PRRC2C: variants seen among roughly 807,000 people sequenced by gnomAD.
PRRC2C encodes proline rich coiled-coil 2C, also known as protein PRRC2C.
In PRRC2C, 72 loss-of-function variants were observed where a neutral mutation model predicts 317.2. The observed-to-expected ratio is 0.23, with a 90% confidence interval of 0.19 to 0.28. The LOEUF (loss-of-function observed/expected upper bound fraction) is 0.28. Ranked by LOEUF, PRRC2C falls within the 10% of genes least tolerant of loss-of-function variation. The probability of loss-of-function intolerance (pLI) is 1.00; values close to 1 mark genes in which losing one functional copy is unlikely to be tolerated. For synonymous variants in PRRC2C, 1,296 were observed against 1,205.9 expected (o/e 1.07, Z -1.55); for missense variants, 3,074 against 3,459.7 (o/e 0.89, Z 2.80).
chr1:171,529,227 T>A (rs11589384), intron 11 of PRRC2C, among the ~76,000 whole-genome samples: 3 of 151,968 alleles, frequency 2.0e-5, no homozygotes, highest in African/African-American at 4.8e-5. Flanking sequence ...ATTTTAAAAA[T>A]CTGTATCCTT....
Position 171,540,227 on chromosome 1 carries a change from C to T in PRRC2C, c.2761C>T (p.Pro921Ser), listed in dbSNP as rs746141943. 1.9e-6 allele frequency: 3 copies of T among 1,613,758 alleles called. No homozygotes were observed. The highest frequency in any genetic ancestry group is 2.2e-5 in the East Asian group (1 of 44,880). ...EERISAVESQ[P>S]SRKRSVSHGS... ...GCGGATTTCAGCTGTAGAAAGTCAG[C>T]CTTCCCGGAAAAGAAGTGTTTCCCA... is the stretch of plus-strand genomic sequence containing the variant. The change falls in exon 16 of 35, where the codon CCT becomes TCT. Residue 921 changes from proline to serine, a missense_variant. Physicochemically the swap from Pro to Ser is moderately conservative, Grantham distance 74 (BLOSUM62 -1). Around this residue, in one of 11 missense-constraint regions of PRRC2C, gnomAD observed 1,320 missense variants for 1,395.7 expected, o/e 0.95. Coordinates refer to ENST00000647382, the MANE Select transcript of PRRC2C (RefSeq NM_001387844.1).
At chr1:171,566,117 A>G (rs1047915312) in intron 20 of PRRC2C, 116 bp from the exon 21 acceptor site, 2 of 759,196 alleles carry the variant, frequency 2.6e-6, no homozygotes, top group African/African-American at 3.5e-5. Flanking sequence ...TGTCGGTCTC[A>G]GTTAATATGT....
In PRRC2C at chr1:171,541,566, T is replaced by C. The variant is rs926559971; in HGVS notation, c.4100T>C (p.Leu1367Ser). 1.2e-6 allele frequency: 2 copies of C among 1,613,762 alleles called. No homozygotes were observed. The highest frequency in any genetic ancestry group is 1.7e-6 in the Non-Finnish European group (2 of 1,179,832). ...PGGRPSRPST[L>S]RRPAYRDNQW... ...GGCCGTCCATCACGCCCTTCCACTT[T>C]ACGAAGACCAGCTTATCGGGACAAT... Residue 1367 changes from leucine to serine, a missense_variant, in exon 16 of 35, where the codon TTA becomes TCA. Leu to Ser is a moderately radical substitution (Grantham distance 145, BLOSUM62 -2). Transcript: ENST00000647382. The surrounding 1 kb of genome is among the most constrained non-coding windows in gnomAD (Gnocchi z 4.1).
chr1:171,518,861 A>G (rs970521498), intron 6 of PRRC2C, among the ~76,000 whole-genome samples: 2 of 148,760 alleles, frequency 1.3e-5, no homozygotes, highest in African/African-American at 5.0e-5. Context: ...TAACAGTGCA[A>G]TGAATCTGCC....
chr1:171,500,802 TC>T (rs1487359222), intron 1 of PRRC2C, among the ~76,000 whole-genome samples: 14 of 152,294 alleles, frequency 9.2e-5, no homozygotes, highest in African/African-American at 3.4e-4. Context: ...CTCCTAAACT[TC>T]TTCTTTCATT....
chr1:171,557,730 C>G lies in PRRC2C; in HGVS notation c.5618C>G (p.Thr1873Ser). ...ATTCTTGCTTCAGCCCTAGCATCAA[C>G]TTCAGCTCCAACGCCAGCCCCAGCA... ...IPILASALAS[T>S]SAPTPAPAAS... Residue 1873 changes from threonine (T) to serine (S), a missense_variant, in exon 19 of 35, where the codon ACT (threonine) becomes AGT (serine). By Grantham distance (58) the Thr-to-Ser change is moderately conservative. Transcript: ENST00000647382. 6.4e-7 allele frequency: 1 copy of G among 1,551,610 alleles called. No homozygotes were observed. Among genetic ancestry groups the G allele is most frequent in the Middle Eastern group, 1.7e-4 (1 of 5,992 alleles).
intron 24 of PRRC2C, among the ~76,000 whole-genome samples, chr1:171,574,028 T>C (rs1457427379): frequency 1.3e-5 from 2 of 152,052 alleles, no homozygotes; most frequent in African/African-American, 4.8e-5. Flanking sequence ...AATTGATACT[T>C]TAAGGACTCA....
At position 171,532,439 on chromosome 1, in the gene PRRC2C, C is replaced by T. The variant is rs1676053206; in HGVS notation, c.1351C>T (p.Arg451Ter). 1 of 1,613,812 alleles carries T rather than the reference C, an allele frequency of 6.2e-7. No individual in the cohort carries two copies. Among genetic ancestry groups the T allele is most frequent in the South Asian group, 1.1e-5 (1 of 91,012 alleles). Reference sequence around the variant, plus strand: ...TGAAGATGAAATATGGAAGCAAAGACGAAGACAACAATCAGAAATTTCTGC... The same window carrying T: ...TGAAGATGAAATATGGAAGCAAAGATGAAGACAACAATCAGAAATTTCTGC... ...ADEDEIWKQR[R>*]RQQSEISAAV... is the part of the protein sequence containing the mutation. The change falls in exon 12 of 35, where the codon CGA (arginine) becomes TGA (stop). Residue 451 changes from arginine to a stop codon, truncating the protein, a stop_gained. Transcript: ENST00000647382. LOFTEE classifies it high-confidence loss of function.
chr1:171,489,758 C>T (rs1476390402), intron 1 of PRRC2C, among the ~76,000 whole-genome samples: 1 of 152,122 alleles, frequency 6.6e-6, no homozygotes, highest in Non-Finnish European at 1.5e-5. Flanking sequence ...ATTATTGATC[C>T]AGAGCCTGAG....
Position 171,588,401 on chromosome 1 carries a change from A to G in PRRC2C, c.8095A>G (p.Ser2699Gly). 1 of 1,613,826 alleles carries G rather than the reference A, an allele frequency of 6.2e-7. No homozygotes were observed. The highest frequency in any genetic ancestry group is 8.5e-7 in the Non-Finnish European group (1 of 1,179,760). The part of the protein sequence containing the change: ...PFRATSTSPN[S>G]QSSKMNSIVY... ...AAGGGCTACTTCTACAAGTCCGAAC[A>G]GCCAGTCCAGCAAAATGAACAGCAT... Residue 2699 changes from serine (S) to glycine (G), a missense_variant, in exon 33 of 35, where the codon AGC becomes GGC. Transcript: ENST00000647382.
intron 12 of PRRC2C, among the ~76,000 whole-genome samples, chr1:171,534,589 C>T (rs1676476252): frequency 6.6e-6 from 1 of 151,680 alleles, no homozygotes; most frequent in Admixed American, 6.6e-5. Context: ...GCTCTTTTTC[C>T]TCCAGTATAT....
intron 24 of PRRC2C, among the ~76,000 whole-genome samples, chr1:171,571,631 G>T (rs1441811035): frequency 6.6e-6 from 1 of 152,084 alleles, no homozygotes; most frequent in East Asian, 1.9e-4. Context: ...TTAAAGTGAG[G>T]CCTATTATGC....
In PRRC2C at chr1:171,540,112, A is replaced by G. The variant is rs375603763; in HGVS notation, c.2646A>G (p.Glu882=). 23 of 1,613,896 alleles carry G rather than the reference A, an allele frequency of 1.4e-5. No individual in the cohort carries two copies. The highest frequency in any genetic ancestry group is 4.0e-5 in the African/African-American group (3 of 74,936). The change falls in exon 16 of 35, where the codon GAA becomes GAG. Residue 882 remains glutamate, a synonymous_variant. Transcript: ENST00000647382. The stretch of plus-strand genomic sequence containing the variant: ...AAAAGTTTTTAAGCAGATCTGTGGA[A>G]GATGTTAGACCTCACCATACTGATG... ...QVQKFLSRSV[E]DVRPHHTDAN...
intron 15 of PRRC2C, among the ~76,000 whole-genome samples, chr1:171,538,122 G>A (rs746778447): frequency 6.6e-6 from 1 of 152,036 alleles, no homozygotes; most frequent in Non-Finnish European, 1.5e-5. Context: ...GGATGGTCTC[G>A]ATCTCCTGAC....
intron 4 of PRRC2C, 125 bp downstream of exon 4, chr1:171,514,770 T>C: frequency 1.2e-6 from 1 of 821,606 alleles, no homozygotes; most frequent in Non-Finnish European, 1.9e-6. Flanking sequence ...TACTCAAGGC[T>C]CTTAAAAAGG....
intron 7 of PRRC2C, among the ~76,000 whole-genome samples, 193 bp from the exon 8 acceptor site, chr1:171,523,024 GTTAC>G (rs1673896906): frequency 1.3e-5 from 2 of 151,834 alleles, no homozygotes; most frequent in South Asian, 4.1e-4. Flanking sequence ...TTTGTCAGCT[GTTAC>G]TTAAGAGTTA....
intron 6 of PRRC2C, among the ~76,000 whole-genome samples, chr1:171,518,695 GT>G (rs1213035199): frequency 6.9e-6 from 1 of 144,350 alleles, no homozygotes; most frequent in Non-Finnish European, 1.5e-5. Flanking sequence ...TAGAGATGGG[GT>G]TTTGCCATGT....
At chr1:171,588,770 T>A (rs1478161763) in intron 33 of PRRC2C, among the ~76,000 whole-genome samples, 1 of 152,190 alleles carries the variant, frequency 6.6e-6, no homozygotes, top group African/African-American at 2.4e-5. Context: ...TCCTTTTAAC[T>A]TTTTTTAAGG....
intron 1 of PRRC2C, among the ~76,000 whole-genome samples, chr1:171,491,121 TTAAAGA>T (rs1185144576): frequency 3.3e-5 from 5 of 151,976 alleles, no homozygotes; most frequent in African/African-American, 7.3e-5. Flanking sequence ...AAAGGGAAAA[TTAAAGA>T]TAAAGGGGAA....
Sources: allele counts gnomAD v4.1 joint callset (sites outside exome capture counted in the v4.1 genomes callset), GRCh38; gene constraint gnomAD v4.1.1; regional missense constraint gnomAD v4.1.1; non-coding constraint Gnocchi (gnomAD v3.1); transcripts MANE v1.5; gene names NCBI Gene and HGNC (gene_info 2026-07-23, HGNC 2026-07-21).